The following DYNC1I1 variants were observed in gnomAD, a reference collection of about 807,000 sequenced individuals.
DYNC1I1 encodes the protein dynein cytoplasmic 1 intermediate chain 1.
Under a neutral mutation model 86.6 loss-of-function variants are expected in DYNC1I1, and 43 were observed. The ratio of observed to expected loss-of-function variants is 0.50; its 90% CI spans 0.39 to 0.64. The LOEUF (loss-of-function observed/expected upper bound fraction) is 0.64, where lower values mean the gene tolerates loss of function less well. Ranked by LOEUF, DYNC1I1 falls within the 30% of genes least tolerant of loss-of-function variation. DYNC1I1 has a pLI of 0.00. For synonymous variants in DYNC1I1, 262 were observed against 283.7 expected (o/e 0.92, Z 0.77); for missense variants, 604 against 788.8 (o/e 0.77, Z 2.81).
rs1384323827 is a variant in DYNC1I1 at position 95,833,135 on chromosome 7, T to C, written c.374+5019T>C. ...GTTTAAGTCTTTAATCCATCTTGAATTGATTTTTGTATAAGGTGTAAGGAA... is the reference window on the plus strand; with the variant it reads ...GTTTAAGTCTTTAATCCATCTTGAACTGATTTTTGTATAAGGTGTAAGGAA... On this transcript the variant is annotated intron_variant, in intron 5 of 16. Coordinates refer to ENST00000447467, the MANE Select transcript of DYNC1I1 (RefSeq NM_001135556.2). Among the ~76,000 whole-genome samples the C allele has an allele frequency of 2.7e-5, 4 of 147,176 alleles. No individual in the cohort carries two copies. The East Asian group carries it at 8.0e-4, about 29-fold the overall frequency.
chr7:95,918,265 T>C (rs1001012454), intron 6 of DYNC1I1, among the ~76,000 whole-genome samples: 12 of 152,182 alleles, frequency 7.9e-5, no homozygotes, highest in Non-Finnish European at 1.8e-4. Context: ...CTTCACACCT[T>C]ATGGGCCACA....
At position 95,858,505 on chromosome 7, in the gene DYNC1I1, T is replaced by C. The variant is rs184629884; in HGVS notation, c.375-11378T>C. On this transcript the variant is annotated intron_variant, in intron 5 of 16. Coordinates refer to ENST00000447467, the MANE Select transcript of DYNC1I1 (RefSeq NM_001135556.2). ...ATACATAAACCAATATCATAGTCAT[T>C]TATTATCATTATCAAATATATAATG... 4.7e-3 allele frequency among the ~76,000 whole-genome samples: 709 copies of C among 152,288 alleles called. 5 individuals are homozygous for C. The highest frequency in any genetic ancestry group is 0.016 in the African/African-American group (668 of 41,560).
chr7:95,903,165 G>A (rs968444731), intron 6 of DYNC1I1, among the ~76,000 whole-genome samples: 1 of 152,204 alleles, frequency 6.6e-6, no homozygotes, highest in African/African-American at 2.4e-5. Flanking sequence ...GAAACGTGAA[G>A]TGTGAGGCAA....
chr7:96,081,133 T>G (rs574434271), intron 16 of DYNC1I1, among the ~76,000 whole-genome samples: 1 of 151,584 alleles, frequency 6.6e-6, no homozygotes, highest in East Asian at 1.9e-4. Flanking sequence ...ATTGAAAAGT[T>G]GAGTTTTGGT....
chr7:96,032,462 T>C (rs989485888), intron 11 of DYNC1I1, among the ~76,000 whole-genome samples: 1 of 152,194 alleles, frequency 6.6e-6, no homozygotes, highest in Admixed American at 6.6e-5. Flanking sequence ...TGAAGCTTTA[T>C]AAGTATTTCC....
At chr7:95,908,725 C>T (rs1056992988) in intron 6 of DYNC1I1, among the ~76,000 whole-genome samples, 1 of 152,060 alleles carries the variant, frequency 6.6e-6, no homozygotes, top group African/African-American at 2.4e-5. Context: ...TTTTCCCCAG[C>T]GGTTGGTTTA....
chr7:95,805,137 C>G (rs966203110), intron 2 of DYNC1I1, among the ~76,000 whole-genome samples: 1 of 152,092 alleles, frequency 6.6e-6, no homozygotes, highest in African/African-American at 2.4e-5. Flanking sequence ...TTAGAAACTT[C>G]TTAACCTTTC....
intron 5 of DYNC1I1, among the ~76,000 whole-genome samples, chr7:95,829,281 G>A (rs572061808): frequency 2.0e-5 from 3 of 152,200 alleles, no homozygotes; most frequent in East Asian, 1.9e-4. Flanking sequence ...CTTTGCATAT[G>A]CAAAAATTCT....
At chr7:96,108,340 G>A (rs976067600) in intron 16 of DYNC1I1, among the ~76,000 whole-genome samples, 1 of 151,908 alleles carries the variant, frequency 6.6e-6, no homozygotes, top group Non-Finnish European at 1.5e-5. Context: ...ATTTTAAAAA[G>A]GATATTTCTA....
intron 14 of DYNC1I1, among the ~76,000 whole-genome samples, chr7:96,050,186 A>T (rs983535633): frequency 1.3e-5 from 2 of 152,200 alleles, no homozygotes; most frequent in Admixed American, 6.5e-5. Flanking sequence ...ATAAAATATT[A>T]AAAAAGGAAG....
intron 5 of DYNC1I1, among the ~76,000 whole-genome samples, chr7:95,866,877 C>G (rs1790030138): frequency 6.6e-6 from 1 of 152,200 alleles, no homozygotes; most frequent in Admixed American, 6.5e-5. Context: ...GATGACAACT[C>G]AGCTTTTATT....
At chr7:95,781,005 C>CAACA (rs527520095) in intron 1 of DYNC1I1, among the ~76,000 whole-genome samples, 6 of 145,574 alleles carry the variant, frequency 4.1e-5, no homozygotes, top group African/African-American at 1.5e-4. Flanking sequence ...ATAACAACAA[C>CAACA]AAAAAAAAAA....
chr7:96,035,444 A>G (rs950622184), intron 12 of DYNC1I1, among the ~76,000 whole-genome samples, 175 bp from the exon 13 acceptor site: 7 of 152,132 alleles, frequency 4.6e-5, no homozygotes, highest in South Asian at 4.1e-4. Flanking sequence ...GAAACCAGAG[A>G]TCCACAGAAG....
chr7:96,076,062 C>G lies in DYNC1I1; in HGVS notation c.1515C>G (p.Asn505Lys), dbSNP rs767571094. Residue 505 changes from asparagine (N) to lysine (K), a missense_variant, in exon 15 of 17, where the codon AAC (asparagine) becomes AAG (lysine). Asn to Lys is a moderately conservative substitution (Grantham distance 94). Coordinates refer to ENST00000447467, the MANE Select transcript of DYNC1I1 (RefSeq NM_001135556.2). ...ACGGTCTCTCTGCTTTACAGCACAACAAGCCGCTCTACTCCTTTGAAGACA... is the reference window on the plus strand; with the variant it reads ...ACGGTCTCTCTGCTTTACAGCACAAGAAGCCGCTCTACTCCTTTGAAGACA... ...WTVKLWTTKH[N>K]KPLYSFEDNA... is the part of the protein sequence containing the mutation. 1 of 1,613,778 alleles carries G rather than the reference C, an allele frequency of 6.2e-7. No individual in the cohort carries two copies.
intron 4 of DYNC1I1, among the ~76,000 whole-genome samples, chr7:95,817,473 T>C (rs1380611793): frequency 1.3e-5 from 2 of 152,178 alleles, no homozygotes; most frequent in Non-Finnish European, 2.9e-5. Context: ...TTATACAAAG[T>C]AATGCTCTAT....
intron 6 of DYNC1I1, among the ~76,000 whole-genome samples, chr7:95,920,788 G>T (rs319327): frequency 0.26 from 39,915 of 151,990 alleles, 5,796 homozygotes; most frequent in African/African-American, 0.4. Flanking sequence ...ATTTATTATT[G>T]TCATAGGTGC....
At chr7:95,810,651 A>T (rs979667058) in intron 3 of DYNC1I1, 145 bp downstream of exon 3, 15 of 701,214 alleles carry the variant, frequency 2.1e-5, no homozygotes, top group Non-Finnish European at 3.0e-5. Flanking sequence ...TTCAGGTTGC[A>T]TGTGTTTTTG....
chr7:95,920,208 TGA>T (rs1284894437), intron 6 of DYNC1I1, among the ~76,000 whole-genome samples: 2 of 152,160 alleles, frequency 1.3e-5, no homozygotes, highest in Non-Finnish European at 2.9e-5. Context: ...GCCTTTAGAA[TGA>T]GATGAGGAGC....
rs1790170840 is a variant in DYNC1I1, at chr7:95,871,594, GAGA to G, written c.490+1599_490+1601del. ...GCATAAAGTTATACAACTGAAATAG[GAGA>G]AGGAGTGAATTATTTTTTAAAATGT... On this transcript the variant is annotated intron_variant, in intron 6 of 16. Transcript: ENST00000447467. Among the ~76,000 whole-genome samples, 3 of 152,176 alleles carry G rather than the reference GAGA, an allele frequency of 2.0e-5. No homozygotes were observed. In the South Asian group the frequency reaches 6.2e-4, roughly 32 times the overall value.
Sources: gnomAD v4.1 joint callset for allele counts (sites outside exome capture counted in the v4.1 genomes callset) on GRCh38, gnomAD v4.1.1 for gene constraint, MANE v1.5 for transcripts, NCBI Gene and HGNC (gene_info 2026-07-23, HGNC 2026-07-21) for gene names.